Variants in NR1I2 observed in about 807,000 individuals in gnomAD.
NR1I2 encodes orphan nuclear receptor PAR1.
NR1I2 carries 42 observed loss-of-function variants against 43.3 expected under a neutral mutation model. The observed-to-expected ratio is 0.97, with a 90% confidence interval of 0.76 to 1.26. The LOEUF is 1.26. Ranked by LOEUF, NR1I2 falls within the 50% of genes most tolerant of loss-of-function variation. The pLI, the probability that NR1I2 is intolerant of heterozygous loss-of-function variation, is 0.00. For synonymous variants in NR1I2, 229 were observed against 215.0 expected, an observed-to-expected ratio of 1.06 and a Z score of -0.57; for missense variants, 559 against 566.7, an observed-to-expected ratio of 0.99 and a Z score of 0.14.
rs1031157475 is a variant in NR1I2, at chr3:119,815,229, G to T, written c.938-94G>T. On this transcript the variant is annotated intron_variant, in intron 6 of 8. Coordinates refer to ENST00000393716, the MANE Select transcript of NR1I2 (RefSeq NM_003889.4). ...AGGTTCTGGGATGGCAGGGCAGGAAGATGGAATGGTGGAAAACAAGATATT... is the reference window on the plus strand; with the variant it reads ...AGGTTCTGGGATGGCAGGGCAGGAATATGGAATGGTGGAAAACAAGATATT... 3.2e-6 allele frequency: 5 copies of T among 1,581,764 alleles called. No individual in the cohort carries two copies. The South Asian group carries it at 5.5e-5, about 17-fold the overall frequency.
chr3:119,792,527 T>A (rs1330001748), intron 1 of NR1I2: 2 of 1,032,060 alleles, frequency 1.9e-6, no homozygotes. Flanking sequence ...GGCAGGGCAG[T>A]CCGTGCTCCT....
intron 1 of NR1I2, among the ~76,000 whole-genome samples, chr3:119,784,250 C>T (rs917473807): frequency 6.6e-6 from 1 of 152,134 alleles, no homozygotes; most frequent in Non-Finnish European, 1.5e-5. Context: ...TTATTTTTTC[C>T]ATTGAATTAG....
chr3:119,796,126 C>T lies in NR1I2; in HGVS notation c.-22-11103C>T, dbSNP rs75322014. On this transcript the variant is annotated intron_variant, in intron 1 of 8. Transcript: ENST00000393716. The stretch of plus-strand genomic sequence containing the variant: ...CATGTTTCTTCTGTAGGGGGAGGAC[C>T]ATGTTCAACTTTGTGATTTTTTTCT... Among the ~76,000 whole-genome samples, 158 of 152,290 alleles carry T rather than the reference C, an allele frequency of 1.0e-3. 1 individual carries two copies. The highest frequency in any genetic ancestry group is 3.4e-3 in the African/African-American group (141 of 41,574).
At chr3:119,796,051 C>T (rs116744456) in intron 1 of NR1I2, among the ~76,000 whole-genome samples, 3 of 152,176 alleles carry the variant, frequency 2.0e-5, no homozygotes, top group East Asian at 1.9e-4. Flanking sequence ...TCACTTTCCC[C>T]CAAGGCACAA....
At position 119,792,537 on chromosome 3, in the gene NR1I2, T is replaced by A. The variant is rs561889004; in HGVS notation, c.-23+10237T>A. 4.0e-6 allele frequency: 4 copies of A among 991,164 alleles called. No individual in the cohort carries two copies. The Admixed American group carries it at 8.1e-5, about 20-fold the overall frequency. 61.4% of individuals were successfully genotyped at this position (991,164 alleles called of 1,614,324 possible). A position where few individuals can be genotyped will look rare whatever the true frequency, so the allele number is the denominator to read the frequency against. ...CTGCCGGCAGGGCAGTCCGTGCTCCTCCAGCTGCCCCAGTGAGGGCCCACC... is the reference window on the plus strand; with the variant it reads ...CTGCCGGCAGGGCAGTCCGTGCTCCACCAGCTGCCCCAGTGAGGGCCCACC... On this transcript the variant is annotated intron_variant, in intron 1 of 8. Transcript: ENST00000393716.
At chr3:119,800,636 G>C (rs2055065729) in intron 1 of NR1I2, among the ~76,000 whole-genome samples, 1 of 152,080 alleles carries the variant, frequency 6.6e-6, no homozygotes, top group South Asian at 2.1e-4. Context: ...GTATTACCCA[G>C]GCAGGTCTTG....
At chr3:119,792,868 C>A (rs1279777470) in intron 1 of NR1I2, among the ~76,000 whole-genome samples, 1 of 151,924 alleles carries the variant, frequency 6.6e-6, no homozygotes, top group East Asian at 1.9e-4. Context: ...GAGGAAGACT[C>A]CGTCTCAAAA....
Position 119,812,934 on chromosome 3 carries a change from C to T in NR1I2, c.768C>T (p.Ser256=). The T allele has an allele frequency of 6.2e-7, 1 of 1,613,974 alleles. No homozygotes were observed. The highest frequency in any genetic ancestry group is 8.5e-7 in the Non-Finnish European group (1 of 1,180,048). Residue 256 remains serine (S), a synonymous_variant, in exon 5 of 9, where the codon AGC becomes AGT. Transcript: ENST00000393716. ...CCTACATGTTCAAAGGCATCATCAGCTTTGCCAAAGTCATCTCCTACTTCA... is the reference window on the plus strand; with the variant it reads ...CCTACATGTTCAAAGGCATCATCAGTTTTGCCAAAGTCATCTCCTACTTCA...
At chr3:119,813,120 A>G (rs530813051) in intron 5 of NR1I2, among the ~76,000 whole-genome samples, 160 bp downstream of exon 5, 81 of 152,286 alleles carry the variant, frequency 5.3e-4, no homozygotes, top group Non-Finnish European at 2.8e-4. Flanking sequence ...GCTGGGGAGT[A>G]GAGCCCTTGC....
At chr3:119,810,248 G>C in intron 3 of NR1I2, 54 bp downstream of exon 3, 1 of 1,549,898 alleles carries the variant, frequency 6.5e-7, no homozygotes, top group South Asian at 1.2e-5. Flanking sequence ...CTCTGAGTAA[G>C]GACGTGCCGT....
At chr3:119,783,876 A>G (rs1449635946) in intron 1 of NR1I2, among the ~76,000 whole-genome samples, 3 of 152,234 alleles carry the variant, frequency 2.0e-5, no homozygotes, top group Non-Finnish European at 2.9e-5. Context: ...CAATAGCAAG[A>G]CTTGGAGACT....
At chr3:119,803,766 T>C (rs1017047645) in intron 1 of NR1I2, among the ~76,000 whole-genome samples, 12 of 152,128 alleles carry the variant, frequency 7.9e-5, no homozygotes, top group African/African-American at 2.7e-4. Flanking sequence ...GTGTACTTTT[T>C]TTTTTTTTTG....
intron 1 of NR1I2, chr3:119,791,715 G>T (rs1342812798): frequency 8.0e-6 from 3 of 374,524 alleles, no homozygotes; most frequent in Non-Finnish European, 1.6e-5. Context: ...AGGAGTTTGA[G>T]ACCAGCCTGG....
In NR1I2 at chr3:119,817,898, T is replaced by TACCCC; in HGVS notation, c.*688_*689insCCCAC. ...ATAATAGGTAGCCTGCTGTGGGGTA[T>TACCCC]ACAGCATTGACTCAGATATAGATCC... On this transcript the variant is annotated 3_prime_UTR_variant, in exon 9 of 9. Coordinates refer to ENST00000393716, the MANE Select transcript of NR1I2 (RefSeq NM_003889.4). 1.0e-6 allele frequency: 1 copy of TACCCC among 975,306 alleles called. No individual in the cohort carries two copies. The highest frequency in any genetic ancestry group is 1.2e-6 in the Non-Finnish European group (1 of 820,082). The allele number at this position is 975,306 out of a possible 1,614,324, so 60.4% of individuals were successfully genotyped here. A position where few individuals can be genotyped will look rare whatever the true frequency, so the allele number is the denominator to read the frequency against.
At chr3:119,782,911 C>T (rs145755381) in intron 1 of NR1I2, 32 of 1,391,698 alleles carry the variant, frequency 2.3e-5, no homozygotes, top group Non-Finnish European at 3.3e-5. Flanking sequence ...CGAGTCTTGC[C>T]TGCATGTGGT....
intron 1 of NR1I2, among the ~76,000 whole-genome samples, chr3:119,798,244 T>C (rs1472319844): frequency 6.6e-6 from 1 of 152,214 alleles, no homozygotes; most frequent in Non-Finnish European, 1.5e-5. Flanking sequence ...TCGGTTTATA[T>C]ATTTTCTGTT....
chr3:119,785,229 C>T (rs2054828852), intron 1 of NR1I2, among the ~76,000 whole-genome samples: 1 of 152,182 alleles, frequency 6.6e-6, no homozygotes, highest in South Asian at 2.1e-4. Context: ...GAATTCTTGT[C>T]ATGTTCCTGA....
At position 119,807,328 on chromosome 3, in the gene NR1I2, G is replaced by T. The variant is rs1183550879; in HGVS notation, c.78G>T (p.Lys26Asn). The T allele has an allele frequency of 3.7e-6, 6 of 1,614,244 alleles. No individual in the cohort carries two copies. The highest frequency in any genetic ancestry group is 5.1e-6 in the Non-Finnish European group (6 of 1,180,042). ...AGGACACAGAGTCTGTTCCTGGAAA[G>T]CCCAGTGTCAACGCAGATGAGGAAG... The change falls in exon 2 of 9, where the codon AAG (lysine) becomes AAT (asparagine). Residue 26 changes from lysine to asparagine, a missense_variant. Physicochemically the swap from Lys to Asn is moderately conservative, Grantham distance 94 (BLOSUM62 0). Transcript: ENST00000393716.
Position 119,807,365 on chromosome 3 carries a change from C to A in NR1I2, c.115C>A (p.Gln39Lys). Reference sequence around the variant, plus strand: ...CGCAGATGAGGAAGTCGGAGGTCCCCAAATCTGCCGTGTATGTGGGGACAA... The same window carrying A: ...CGCAGATGAGGAAGTCGGAGGTCCCAAAATCTGCCGTGTATGTGGGGACAA... The change falls in exon 2 of 9, where the codon CAA becomes AAA. Residue 39 changes from glutamine (Q) to lysine (K), a missense_variant. Transcript: ENST00000393716. 1 of 1,614,232 alleles carries A rather than the reference C, an allele frequency of 6.2e-7. No homozygotes were observed.
Sources: allele counts gnomAD v4.1 joint callset (sites outside exome capture counted in the v4.1 genomes callset), GRCh38; gene constraint gnomAD v4.1.1; transcripts MANE v1.5; gene names NCBI Gene and HGNC (gene_info 2026-07-23, HGNC 2026-07-21).